Variants in ST6GAL2 observed in about 807,000 individuals in gnomAD.
ST6GAL2 encodes ST6 beta-galactoside alpha-2,6-sialyltransferase 2, also known as beta-galactoside alpha-2,6-sialyltransferase 2.
Under a neutral mutation model 37.5 loss-of-function variants are expected in ST6GAL2, and 24 were observed. The observed-to-expected ratio is 0.64, with a 90% CI of 0.46 to 0.90. The LOEUF is 0.90. ST6GAL2 is among the 40% of genes least tolerant of loss of function. The pLI, the probability that ST6GAL2 is intolerant of heterozygous loss-of-function variation, is 0.00. For synonymous variants in ST6GAL2, 306 were observed against 295.1 expected (o/e 1.04, Z -0.38); for missense variants, 715 against 712.7 (o/e 1.00, Z -0.04).
intron 1 of ST6GAL2, among the ~76,000 whole-genome samples, chr2:106,851,670 CT>C (rs5833214): frequency 0.67 from 91,409 of 135,746 alleles, 30,828 homozygotes; most frequent in Non-Finnish European, 0.75. Context: ...GTTTTTCTTT[CT>C]TTTTTTTTTT....
At chr2:106,883,943 TTA>T (rs1678853659) in intron 1 of ST6GAL2, among the ~76,000 whole-genome samples, 1 of 152,224 alleles carries the variant, frequency 6.6e-6, no homozygotes, top group Non-Finnish European at 1.5e-5. Flanking sequence ...TATCATTTAT[TTA>T]CCTAAGAAGG....
Position 106,865,115 on chromosome 2 carries a change from C to G in ST6GAL2, c.-58+20978G>C, listed in dbSNP as rs144497098. 2.6e-3 allele frequency among the ~76,000 whole-genome samples: 398 copies of G among 152,222 alleles called. 3 individuals are homozygous for G. The highest frequency in any genetic ancestry group is 0.022 in the Admixed American group (341 of 15,290). The stretch of plus-strand genomic sequence containing the variant: ...CAGATACAATAAAAGTAAATAACTT[C>G]CGAGAGCGCAGATAATATGAAATAA... On this transcript the variant is annotated intron_variant, in intron 1 of 5. Coordinates refer to ENST00000409382, the MANE Select transcript of ST6GAL2 (RefSeq NM_001142351.2).
Position 106,843,380 on chromosome 2 carries a change from A to G in ST6GAL2, c.598T>C (p.Ser200Pro), listed in dbSNP as rs768311561. ...CAGAGCCGGTACAGGAAGGCCCTGG[A>G]CATGGAGGAGTACAGCCTGTCGCCG... Reference protein sequence around the residue: ...DDGDRLYSSMSRAFLYRLWKG... With the variant: ...DDGDRLYSSMPRAFLYRLWKG... The change falls in exon 2 of 6, where the codon TCC (serine) becomes CCC (proline). Residue 200 changes from serine to proline, a missense_variant. Ser to Pro is a moderately conservative substitution (Grantham distance 74). Coordinates refer to ENST00000409382, the MANE Select transcript of ST6GAL2 (RefSeq NM_001142351.2). 1.9e-6 allele frequency: 3 copies of G among 1,614,138 alleles called. No homozygotes were observed. In the East Asian group the frequency reaches 6.7e-5, roughly 36 times the overall value.
At chr2:106,807,489 GA>G (rs1488055229) in intron 5 of ST6GAL2, among the ~76,000 whole-genome samples, 3 of 152,168 alleles carry the variant, frequency 2.0e-5, no homozygotes, top group Non-Finnish European at 4.4e-5. Flanking sequence ...TGAATGGAAA[GA>G]AATGGAGTTA....
chr2:106,878,212 C>A (rs1384763456), intron 1 of ST6GAL2, among the ~76,000 whole-genome samples: 1 of 152,200 alleles, frequency 6.6e-6, no homozygotes, highest in Non-Finnish European at 1.5e-5. Context: ...GCCTGTAGTC[C>A]CAGCACTTTG....
chr2:106,815,760 G>A (rs1276151791), intron 5 of ST6GAL2, among the ~76,000 whole-genome samples: 1 of 152,180 alleles, frequency 6.6e-6, no homozygotes, highest in Non-Finnish European at 1.5e-5. Context: ...CTACTCAGTG[G>A]TAGGGCCAAG....
At chr2:106,861,205 A>G (rs958634970) in intron 1 of ST6GAL2, among the ~76,000 whole-genome samples, 3 of 152,222 alleles carry the variant, frequency 2.0e-5, no homozygotes, top group Admixed American at 6.5e-5. Flanking sequence ...AGATGACACC[A>G]AGAATCACAA....
At chr2:106,851,693 T>G (rs547293671) in intron 1 of ST6GAL2, among the ~76,000 whole-genome samples, 1 of 151,874 alleles carries the variant, frequency 6.6e-6, no homozygotes, top group East Asian at 2.0e-4. Context: ...TTTTCACATT[T>G]TGATTGATGT....
At chr2:106,877,433 T>C (rs1448889971) in intron 1 of ST6GAL2, among the ~76,000 whole-genome samples, 1 of 152,248 alleles carries the variant, frequency 6.6e-6, no homozygotes, top group Non-Finnish European at 1.5e-5. Context: ...TTGTGTGCAA[T>C]GATGTCACTC....
chr2:106,878,756 G>T (rs1000987173), intron 1 of ST6GAL2, among the ~76,000 whole-genome samples: 1 of 152,146 alleles, frequency 6.6e-6, no homozygotes, highest in South Asian at 2.1e-4. Flanking sequence ...AGGGACTTGA[G>T]CATCCATGGA....
At chr2:106,884,099 A>G (rs1256998229) in intron 1 of ST6GAL2, among the ~76,000 whole-genome samples, 1 of 152,176 alleles carries the variant, frequency 6.6e-6, no homozygotes, top group Non-Finnish European at 1.5e-5. Flanking sequence ...CACTGAAATC[A>G]TCTCAGAAAG....
At chr2:106,879,088 A>G (rs1300393186) in intron 1 of ST6GAL2, among the ~76,000 whole-genome samples, 2 of 152,194 alleles carry the variant, frequency 1.3e-5, no homozygotes, top group Admixed American at 6.5e-5. Flanking sequence ...CACATTGTGT[A>G]ATACAGTCTA....
chr2:106,853,118 T>A (rs1677437886), intron 1 of ST6GAL2, among the ~76,000 whole-genome samples: 1 of 151,602 alleles, frequency 6.6e-6, no homozygotes, highest in African/African-American at 2.4e-5. Flanking sequence ...TTATTTTTCC[T>A]TTTGGCCACA....
At position 106,806,159 on chromosome 2, in the gene ST6GAL2, TG is replaced by T. The variant is rs1462527940; in HGVS notation, c.*518del. The T allele has an allele frequency of 6.5e-6, 1 of 152,730 alleles. No homozygotes were observed. The highest frequency in any genetic ancestry group is 2.4e-5 in the African/African-American group (1 of 41,444). 9.5% of individuals were successfully genotyped at this position (152,730 alleles called of 1,614,324 possible). The stretch of plus-strand genomic sequence containing the variant: ...AATAAAAGCCTTTGCCAGGATGTGC[TG>T]GGAATTTTTTGCTGTTAAACACATC... On this transcript the variant is annotated 3_prime_UTR_variant, in exon 6 of 6. Transcript: ENST00000409382.
At chr2:106,863,715 A>G (rs1465266172) in intron 1 of ST6GAL2, among the ~76,000 whole-genome samples, 1 of 152,208 alleles carries the variant, frequency 6.6e-6, no homozygotes, top group Non-Finnish European at 1.5e-5. Context: ...CAACTGTAAA[A>G]TAAGAAGAGT....
rs1402671903 is a variant in ST6GAL2 at position 106,843,102 on chromosome 2, G to A, written c.876C>T (p.Gly292=). ...AVPLSQLHPR[G]LRSCAVVMSA... ...ACATGACGACAGCGCAGCTGCGCAG[G>A]CCGCGGGGGTGCAGCTGGCTCAGGG... The change falls in exon 2 of 6, where the codon GGC becomes GGT. Residue 292 remains glycine (G), a synonymous_variant. Transcript: ENST00000409382. 6.5e-7 allele frequency: 1 copy of A among 1,540,468 alleles called. No homozygotes were observed. The highest frequency in any genetic ancestry group is 8.7e-7 in the Non-Finnish European group (1 of 1,150,306).
intron 1 of ST6GAL2, among the ~76,000 whole-genome samples, chr2:106,874,631 A>G (rs191193666): frequency 1.3e-5 from 2 of 152,268 alleles, no homozygotes; most frequent in East Asian, 3.9e-4. Context: ...CTAATATAAA[A>G]TGCTCTGTTA....
chr2:106,876,359 C>T (rs1428037367), intron 1 of ST6GAL2, among the ~76,000 whole-genome samples: 1 of 152,086 alleles, frequency 6.6e-6, no homozygotes, highest in East Asian at 1.9e-4. Flanking sequence ...TATAGCAATC[C>T]TGGGGTTTTT....
chr2:106,875,109 CATTTAT>C (rs1678444865), intron 1 of ST6GAL2, among the ~76,000 whole-genome samples: 1 of 151,924 alleles, frequency 6.6e-6, no homozygotes, highest in African/African-American at 2.4e-5. Flanking sequence ...TTTGAAATCA[CATTTAT>C]ATTTCTTATT....
Sources: gnomAD v4.1 joint callset for allele counts (sites outside exome capture counted in the v4.1 genomes callset) on GRCh38, gnomAD v4.1.1 for gene constraint, MANE v1.5 for transcripts, NCBI Gene and HGNC (gene_info 2026-07-23, HGNC 2026-07-21) for gene names.